The following BCKDHA variants were observed in gnomAD, a reference collection of about 807,000 sequenced individuals.
The protein encoded by BCKDHA is branched chain keto acid dehydrogenase E1 subunit alpha.
A neutral mutation model predicts 52.2 loss-of-function variants in BCKDHA; 43 were observed. That is an observed-to-expected ratio of 0.82 (90% CI 0.64 to 1.06). The LOEUF is 1.06. Among genes scored for constraint, BCKDHA ranks in the 50% least tolerant of loss-of-function variants. The probability of loss-of-function intolerance (pLI) is 0.00; values close to 1 mark genes in which losing one functional copy is unlikely to be tolerated. For synonymous variants in BCKDHA, 234 were observed against 247.9 expected, an observed-to-expected ratio of 0.94 and a Z score of 0.53; for missense variants, 527 against 621.3, an observed-to-expected ratio of 0.85 and a Z score of 1.61.
intron 1 of BCKDHA, among the ~76,000 whole-genome samples, chr19:41,402,478 C>G (rs904535018): frequency 2.6e-5 from 4 of 152,090 alleles, no homozygotes; most frequent in African/African-American, 9.7e-5. Flanking sequence ...TAGTACTCTC[C>G]TATTACAGAT....
intron 8 of BCKDHA, among the ~76,000 whole-genome samples, chr19:41,423,629 T>A (rs2039394657): frequency 6.6e-6 from 1 of 152,110 alleles, no homozygotes; most frequent in Non-Finnish European, 1.5e-5. Flanking sequence ...GTCGGGAGTT[T>A]GAGACCAGCC....
chr19:41,399,077 A>G (rs2123234895), intron 1 of BCKDHA, among the ~76,000 whole-genome samples: 1 of 152,228 alleles, frequency 6.6e-6, no homozygotes. Flanking sequence ...GGCCCTGGGG[A>G]AAAAAATCTG....
chr19:41,405,270 A>AG (rs1207042031), intron 1 of BCKDHA, among the ~76,000 whole-genome samples: 1 of 152,088 alleles, frequency 6.6e-6, no homozygotes, highest in Admixed American at 6.6e-5. Flanking sequence ...ACTGAGGCTC[A>AG]GGGAGTTTTT....
chr19:41,406,154 AAG>A (rs2039190457), intron 1 of BCKDHA, among the ~76,000 whole-genome samples: 1 of 152,086 alleles, frequency 6.6e-6, no homozygotes, highest in Non-Finnish European at 1.5e-5. Flanking sequence ...CAGCCCAGCA[AAG>A]AGGGGAGGAG....
At position 41,422,665 on chromosome 19, in the gene BCKDHA, G is replaced by A. The variant is rs200137189; in HGVS notation, c.890G>A (p.Arg297His). 73 of 1,613,968 alleles carry A rather than the reference G, an allele frequency of 4.5e-5. No homozygotes were observed. The highest frequency in any genetic ancestry group is 1.5e-5 in the Non-Finnish European group (18 of 1,180,036). ...RGPGYGIMSI[R>H]VDGNDVFAVY... ...CCCGGGTATGGCATCATGTCAATCCGCGTGGATGGTAATGATGTGTTTGCC... is the reference window on the plus strand; with the variant it reads ...CCCGGGTATGGCATCATGTCAATCCACGTGGATGGTAATGATGTGTTTGCC... The change falls in exon 7 of 9, where the codon CGC (arginine) becomes CAC (histidine). Residue 297 changes from arginine to histidine, a missense_variant. By Grantham distance (29) the Arg-to-His change is conservative (BLOSUM62 0). Coordinates refer to ENST00000269980, the MANE Select transcript of BCKDHA (RefSeq NM_000709.4).
intron 5 of BCKDHA, 32 bp from the exon 6 acceptor site, chr19:41,422,132 G>A (rs200462049): frequency 2.0e-4 from 317 of 1,599,856 alleles, no homozygotes; most frequent in Middle Eastern, 1.4e-3. Flanking sequence ...GTGAGTCTCC[G>A]CCCCTGCTCA....
In BCKDHA at chr19:41,424,468, A is replaced by T. The variant is rs863225262; in HGVS notation, c.1198A>T (p.Lys400Ter). ...VMEAFEQAERKPKPNPNLLFS... is the reference protein window; with the variant it reads ...VMEAFEQAER Reference sequence around the variant, plus strand: ...GGAGGCCTTTGAGCAGGCCGAGCGGAAGCCCAAACCCAACCCCAACCTACT... The same window carrying T: ...GGAGGCCTTTGAGCAGGCCGAGCGGTAGCCCAAACCCAACCCCAACCTACT... The change falls in exon 9 of 9, where the codon AAG becomes TAG. Residue 400 changes from lysine (K) to a stop codon, truncating the protein, a stop_gained. Coordinates refer to ENST00000269980, the MANE Select transcript of BCKDHA (RefSeq NM_000709.4). LOFTEE classifies it high-confidence loss of function. 1.9e-6 allele frequency: 3 copies of T among 1,614,020 alleles called. No homozygotes were observed. The South Asian group carries it at 3.3e-5, about 18-fold the overall frequency.
At chr19:41,401,619 T>C (rs954790840) in intron 1 of BCKDHA, among the ~76,000 whole-genome samples, 1 of 152,192 alleles carries the variant, frequency 6.6e-6, no homozygotes, top group African/African-American at 2.4e-5. Flanking sequence ...TCTGTTATCA[T>C]AGCAGACGTT....
intron 4 of BCKDHA, among the ~76,000 whole-genome samples, chr19:41,415,794 G>A (rs1022202153): frequency 6.0e-5 from 9 of 150,370 alleles, no homozygotes; most frequent in Admixed American, 1.3e-4. Context: ...GACTACAGGC[G>A]CCCACCACCA....
chr19:41,423,957 C>T (rs955739737), intron 8 of BCKDHA, among the ~76,000 whole-genome samples: 16 of 151,964 alleles, frequency 1.1e-4, no homozygotes, highest in South Asian at 8.3e-4. Flanking sequence ...GGCGCCACTG[C>T]ACTCCAGCCT....
chr19:41,402,069 A>G (rs748734728), intron 1 of BCKDHA, among the ~76,000 whole-genome samples: 3 of 152,208 alleles, frequency 2.0e-5, no homozygotes, highest in Non-Finnish European at 2.9e-5. Context: ...CACATCTTAC[A>G]TGGTGGCAGG....
intron 6 of BCKDHA, 88 bp from the exon 7 acceptor site, chr19:41,422,541 C>G (rs2039379012): frequency 6.3e-7 from 1 of 1,599,922 alleles, no homozygotes; most frequent in Non-Finnish European, 8.5e-7. Context: ...CAGCCTTGCT[C>G]TCTGTCCTCT....
intron 3 of BCKDHA, among the ~76,000 whole-genome samples, chr19:41,412,246 C>T (rs992238508): frequency 6.7e-6 from 1 of 150,206 alleles, no homozygotes; most frequent in Non-Finnish European, 1.5e-5. Flanking sequence ...CTTTGCCTCA[C>T]CTAGTCCGTT....
chr19:41,415,143 T>G (rs533340790), intron 4 of BCKDHA, among the ~76,000 whole-genome samples: 4 of 152,324 alleles, frequency 2.6e-5, no homozygotes, highest in Admixed American at 2.6e-4. Context: ...CTGGACTGTC[T>G]ACTGCTCACA....
At chr19:41,417,814 A>G (rs1431989826) in intron 4 of BCKDHA, among the ~76,000 whole-genome samples, 1 of 152,010 alleles carries the variant, frequency 6.6e-6, no homozygotes, top group Admixed American at 6.6e-5. Context: ...AATCCCAGCT[A>G]CTCAGGAGGC....
intron 4 of BCKDHA, chr19:41,418,652 T>C (rs918342169): frequency 4.8e-6 from 2 of 418,220 alleles, no homozygotes; most frequent in African/African-American, 4.1e-5. Context: ...TGCCTCAGCC[T>C]CCCAAGTAGC....
rs143882856 is a variant in BCKDHA at position 41,418,357 on chromosome 19, C to T, written c.485-778C>T. The stretch of plus-strand genomic sequence containing the variant: ...GCAATCACAAACCCCCTTCTGTCTT[C>T]TAACTTCGGAGGAAGGGCCCCCTTA... On this transcript the variant is annotated intron_variant, in intron 4 of 8. Transcript: ENST00000269980. 3.2e-3 allele frequency among the ~76,000 whole-genome samples: 492 copies of T among 152,262 alleles called. 4 individuals are homozygous for T. The highest frequency in any genetic ancestry group is 0.011 in the African/African-American group (445 of 41,542).
chr19:41,409,246 C>T (rs900660451), intron 1 of BCKDHA, among the ~76,000 whole-genome samples: 1 of 152,162 alleles, frequency 6.6e-6, no homozygotes, highest in African/African-American at 2.4e-5. Flanking sequence ...GTTCTATACA[C>T]CTTGCCGAGA....
At position 41,419,210 on chromosome 19, in the gene BCKDHA, A is replaced by G; in HGVS notation, c.560A>G (p.Lys187Arg). 1 of 1,614,214 alleles carries G rather than the reference A, an allele frequency of 6.2e-7. No individual in the cohort carries two copies. Among genetic ancestry groups the G allele is most frequent in the Non-Finnish European group, 8.5e-7 (1 of 1,180,036 alleles). Reference protein sequence around the residue: ...QCYGNISDLGKGRQMPVHYGC... With the variant: ...QCYGNISDLGRGRQMPVHYGC... ...TATGGCAACATCAGTGACTTGGGCA[A>G]GGGGCGCCAGATGCCTGTCCACTAC... The change falls in exon 5 of 9, where the codon AAG becomes AGG. Residue 187 changes from lysine (K) to arginine (R), a missense_variant. Coordinates refer to ENST00000269980, the MANE Select transcript of BCKDHA (RefSeq NM_000709.4).
Sources: gnomAD v4.1 joint callset for allele counts (sites outside exome capture counted in the v4.1 genomes callset) on GRCh38, gnomAD v4.1.1 for gene constraint, MANE v1.5 for transcripts, NCBI Gene and HGNC (gene_info 2026-07-23, HGNC 2026-07-21) for gene names.